MAPK4: variants seen among roughly 807,000 people sequenced by gnomAD.
The protein encoded by MAPK4 is mitogen-activated protein kinase 4.
MAPK4 carries 22 observed loss-of-function variants against 47.7 expected under a neutral mutation model. That is an observed-to-expected ratio of 0.46 (90% CI 0.33 to 0.66). MAPK4 has a LOEUF of 0.66. MAPK4 is among the 30% of genes least tolerant of loss of function. The pLI is 0.02. For missense variants in MAPK4, 736 were observed against 831.7 expected (o/e 0.88, Z 1.42); for synonymous variants, 390 against 365.7 (o/e 1.07, Z -0.76).
At chr18:50,670,869 T>C (rs1907907675) in intron 2 of MAPK4, among the ~76,000 whole-genome samples, 1 of 151,990 alleles carries the variant, frequency 6.6e-6, no homozygotes, top group South Asian at 2.1e-4. Flanking sequence ...CCAGGTTCCA[T>C]CTCAAACAAC....
At chr18:50,586,487 T>C (rs895007700) in intron 1 of MAPK4, among the ~76,000 whole-genome samples, 1 of 151,958 alleles carries the variant, frequency 6.6e-6, no homozygotes, top group African/African-American at 2.4e-5. Context: ...TCAGCCAGCC[T>C]GGGTGTGAAT....
chr18:50,714,172 A>G (rs1910513601), intron 2 of MAPK4, among the ~76,000 whole-genome samples: 1 of 152,280 alleles, frequency 6.6e-6, no homozygotes, highest in East Asian at 1.9e-4. Flanking sequence ...CCTTGGTCCT[A>G]ACTGTCTCAC....
chr18:50,726,476 G>A (rs1332336391), intron 5 of MAPK4, among the ~76,000 whole-genome samples: 1 of 152,194 alleles, frequency 6.6e-6, no homozygotes, highest in Non-Finnish European at 1.5e-5. Flanking sequence ...CACCATGGTA[G>A]GAGCTCACTT....
chr18:50,613,867 C>T (rs1030698546), intron 1 of MAPK4, among the ~76,000 whole-genome samples: 1 of 151,994 alleles, frequency 6.6e-6, no homozygotes, highest in African/African-American at 2.4e-5. Flanking sequence ...GTTTAATTGC[C>T]CTAAGAGAGA....
Position 50,726,285 on chromosome 18 carries a change from T to C in MAPK4, c.1067+110T>C, listed in dbSNP as rs952696337. On this transcript the variant is annotated intron_variant, in intron 5 of 5. Coordinates refer to ENST00000400384, the MANE Select transcript of MAPK4 (RefSeq NM_002747.4). ...CTGTCTCCCAAGTTGCATAGCTCAT[T>C]GGACGACTTCTCCAGCTTAGCTTCC... 56 of 1,009,558 alleles carry C rather than the reference T, an allele frequency of 5.5e-5. No individual in the cohort carries two copies. The Admixed American group carries it at 1.1e-3, about 20-fold the overall frequency. 62.5% of individuals were successfully genotyped at this position (1,009,558 alleles called of 1,614,324 possible).
intron 2 of MAPK4, among the ~76,000 whole-genome samples, chr18:50,701,559 C>T (rs1362326306): frequency 6.6e-6 from 1 of 152,060 alleles, no homozygotes; most frequent in Admixed American, 6.6e-5. Flanking sequence ...TAGGTTACTG[C>T]CAGCATTGTG....
rs142956846 is a variant in MAPK4 at position 50,663,093 on chromosome 18, G to T, written c.-866G>T. The T allele has an allele frequency of 6.6e-6, 1 of 152,376 alleles. No individual in the cohort carries two copies. Among genetic ancestry groups the T allele is most frequent in the East Asian group, 1.9e-4 (1 of 5,186 alleles). The allele number at this position is 152,376 out of a possible 1,614,324, so 9.4% of individuals were successfully genotyped here. ...CCAACGTTATTTCTTTGACAGGGAAGGAGACTTGGTCTGAAAGATGCCACA... is the reference window on the plus strand; with the variant it reads ...CCAACGTTATTTCTTTGACAGGGAATGAGACTTGGTCTGAAAGATGCCACA... On this transcript the variant is annotated 5_prime_UTR_variant, in exon 2 of 6. In the 5' UTR this introduces an upstream ATG that the reference lacks. Coordinates refer to ENST00000400384, the MANE Select transcript of MAPK4 (RefSeq NM_002747.4).
chr18:50,563,383 G>C (rs1328809780), intron 1 of MAPK4, among the ~76,000 whole-genome samples: 9 of 152,196 alleles, frequency 5.9e-5, no homozygotes, highest in Non-Finnish European at 1.5e-5. Context: ...ATCTTCCTCT[G>C]GAATAGTTTC....
At chr18:50,607,003 A>G (rs1467685849) in intron 1 of MAPK4, among the ~76,000 whole-genome samples, 1 of 152,248 alleles carries the variant, frequency 6.6e-6, no homozygotes, top group East Asian at 1.9e-4. Flanking sequence ...TGGTTAAGAA[A>G]TAAACCTGGC....
chr18:50,657,285 A>T (rs2043119852), intron 1 of MAPK4, among the ~76,000 whole-genome samples: 1 of 152,214 alleles, frequency 6.6e-6, no homozygotes, highest in Admixed American at 6.5e-5. Flanking sequence ...ATGGTCCTCA[A>T]CAGGGATGGG....
intron 1 of MAPK4, among the ~76,000 whole-genome samples, chr18:50,583,580 C>A (rs150354760): frequency 6.6e-6 from 1 of 152,268 alleles, no homozygotes; most frequent in African/African-American, 2.4e-5. Flanking sequence ...CAGAGCAAGA[C>A]TCTGTCTCCA....
At chr18:50,690,758 G>A (rs867103240) in intron 2 of MAPK4, among the ~76,000 whole-genome samples, 1 of 152,182 alleles carries the variant, frequency 6.6e-6, no homozygotes, top group African/African-American at 2.4e-5. Context: ...ATTGAGGAAC[G>A]ACATTCACTC....
At chr18:50,661,037 C>A (rs1171979457) in intron 1 of MAPK4, among the ~76,000 whole-genome samples, 2 of 152,220 alleles carry the variant, frequency 1.3e-5, no homozygotes, top group African/African-American at 4.8e-5. Flanking sequence ...TCAAGCAAAT[C>A]CTGCATTCAG....
chr18:50,664,178 CACG>C lies in MAPK4; in HGVS notation c.223_225del (p.Asp75del), dbSNP rs1406214122. 1 of 1,614,132 alleles carries C rather than the reference CACG, an allele frequency of 6.2e-7. No homozygotes were observed. Among genetic ancestry groups the C allele is most frequent in the Non-Finnish European group, 8.5e-7 (1 of 1,180,020 alleles). On this transcript the variant is annotated inframe_deletion, in exon 2 of 6. Transcript: ENST00000400384. This position sits in a 1 kb window ranked among gnomAD's most constrained non-coding sequence, Gnocchi z 6.0. ...GATCAAGATCATTCGGCGCCTGGAC[CACG>C]ACAACATCGTCAAAGTGTACGAGGT...
intron 1 of MAPK4, among the ~76,000 whole-genome samples, chr18:50,625,104 G>C (rs1412418324): frequency 6.6e-6 from 1 of 152,208 alleles, no homozygotes; most frequent in Non-Finnish European, 1.5e-5. Context: ...CCAGGACACT[G>C]GTGGGGAGAA....
intron 1 of MAPK4, among the ~76,000 whole-genome samples, chr18:50,617,649 T>G (rs949207926): frequency 1.3e-5 from 2 of 152,108 alleles, no homozygotes; most frequent in Non-Finnish European, 2.9e-5. Context: ...TGATTATAAC[T>G]CTCTTCATGG....
At chr18:50,725,345 C>T (rs554354032) in intron 4 of MAPK4, among the ~76,000 whole-genome samples, 1 of 152,178 alleles carries the variant, frequency 6.6e-6, no homozygotes, top group Non-Finnish European at 1.5e-5. Flanking sequence ...GACCCTGTCC[C>T]ACCCCTCGAC....
chr18:50,588,101 A>C (rs1213170088), intron 1 of MAPK4, among the ~76,000 whole-genome samples: 2 of 100,584 alleles, frequency 2.0e-5, no homozygotes, highest in Non-Finnish European at 4.0e-5. Flanking sequence ...GGCATTGCTA[A>C]TGTAACAAAC....
intron 1 of MAPK4, among the ~76,000 whole-genome samples, chr18:50,651,413 G>A (rs1271356843): frequency 6.6e-6 from 1 of 152,202 alleles, no homozygotes; most frequent in East Asian, 1.9e-4. Context: ...AGGGTTGTGG[G>A]TGTGTGGAAT....
Sources: gnomAD v4.1 joint callset for allele counts (sites outside exome capture counted in the v4.1 genomes callset) on GRCh38, gnomAD v4.1.1 for gene constraint, Gnocchi (gnomAD v3.1) non-coding constraint, MANE v1.5 for transcripts, NCBI Gene and HGNC (gene_info 2026-07-23, HGNC 2026-07-21) for gene names.